TMEM161A: variants seen among roughly 807,000 people sequenced by gnomAD.
TMEM161A encodes adaptive response to oxidative stress protein 29.
In TMEM161A, 46 loss-of-function variants were observed where a neutral mutation model predicts 57.1. The observed-to-expected ratio is 0.81, with a 90% CI of 0.64 to 1.03. The LOEUF (loss-of-function observed/expected upper bound fraction) is 1.03. TMEM161A is among the 50% of genes least tolerant of loss of function. The pLI is 0.00. For missense variants in TMEM161A, 601 were observed against 621.5 expected (o/e 0.97, Z 0.35); for synonymous variants, 288 against 279.0 (o/e 1.03, Z -0.32).
chr19:19,136,649 C>G (rs1386516007), intron 1 of TMEM161A, among the ~76,000 whole-genome samples: 1 of 152,088 alleles, frequency 6.6e-6, no homozygotes, highest in Non-Finnish European at 1.5e-5. Flanking sequence ...GAGTGGGACT[C>G]TGTCTCAAAA....
intron 5 of TMEM161A, among the ~76,000 whole-genome samples, chr19:19,131,503 TATATAC>T (rs1458600987): frequency 1.1e-5 from 1 of 90,964 alleles, no homozygotes; most frequent in East Asian, 6.2e-4. Context: ...CATATATATA[TATATAC>T]ACACACACAC....
Position 19,119,177 on chromosome 19 carries a change from G to A in TMEM161A, c.*753C>T, listed in dbSNP as rs577042525. On this transcript the variant is annotated 3_prime_UTR_variant, in exon 12 of 12. Transcript: ENST00000162044. ...TCTTTTTTTTTTTTTTTGAGACAGA[G>A]TTTCACTCTGTCACCCAGGCTGGAG... 1 of 138,044 alleles carries A rather than the reference G, an allele frequency of 7.2e-6. No homozygotes were observed. Among genetic ancestry groups the A allele is most frequent in the South Asian group, 2.3e-4 (1 of 4,420 alleles). The allele number at this position is 138,044 out of a possible 1,614,324, so 8.6% of individuals were successfully genotyped here. A position where few individuals can be genotyped will look rare whatever the true frequency, so the allele number is the denominator to read the frequency against.
At chr19:19,125,881 C>T (rs952116970) in intron 6 of TMEM161A, among the ~76,000 whole-genome samples, 2 of 152,026 alleles carry the variant, frequency 1.3e-5, no homozygotes, top group African/African-American at 4.8e-5. Flanking sequence ...GTAATCCCAG[C>T]ACTTTGGGAG....
Sources: gnomAD v4.1 joint callset for allele counts (sites outside exome capture counted in the v4.1 genomes callset) on GRCh38, gnomAD v4.1.1 for gene constraint, MANE v1.5 for transcripts, NCBI Gene and HGNC (gene_info 2026-07-23, HGNC 2026-07-21) for gene names.